RNF144B: variants seen among roughly 807,000 people sequenced by gnomAD.
RNF144B encodes ring finger protein 144B, also known as E3 ubiquitin-protein ligase RNF144B.
Under a neutral mutation model 40.2 loss-of-function variants are expected in RNF144B, and 25 were observed. The ratio of observed to expected loss-of-function variants is 0.62; its 90% CI spans 0.45 to 0.87. RNF144B has a LOEUF of 0.87. Among genes scored for constraint, RNF144B ranks in the 40% least tolerant of loss-of-function variants. The probability of loss-of-function intolerance (pLI) is 0.00; values close to 1 mark genes in which losing one functional copy is unlikely to be tolerated. For missense variants in RNF144B, 365 were observed against 373.7 expected, an observed-to-expected ratio of 0.98 and a Z score of 0.19; for synonymous variants, 145 against 136.3, an observed-to-expected ratio of 1.06 and a Z score of -0.44.
At chr6:18,413,134 G>A (rs1055212092) in intron 2 of RNF144B, among the ~76,000 whole-genome samples, 2 of 152,218 alleles carry the variant, frequency 1.3e-5, no homozygotes, top group East Asian at 1.9e-4. Flanking sequence ...TCATAGTGTC[G>A]TTTGGAAGAA....
At chr6:18,399,759 G>A in intron 2 of RNF144B, 60 bp downstream of exon 2, 1 of 1,398,372 alleles carries the variant, frequency 7.2e-7, no homozygotes, top group Non-Finnish European at 1.0e-6. Context: ...CATAAAAGTA[G>A]GATATATTTC....
intron 2 of RNF144B, among the ~76,000 whole-genome samples, chr6:18,413,613 C>G (rs1343978664): frequency 2.0e-5 from 3 of 152,144 alleles, no homozygotes; most frequent in Non-Finnish European, 2.9e-5. Flanking sequence ...AAACTGAAGT[C>G]AAGGTTCAAG....
chr6:18,390,907 T>C (rs1794566452), intron 1 of RNF144B, among the ~76,000 whole-genome samples: 1 of 152,212 alleles, frequency 6.6e-6, no homozygotes, highest in African/African-American at 2.4e-5. Context: ...TCATGATAAA[T>C]TCCTGTTATA....
intron 4 of RNF144B, among the ~76,000 whole-genome samples, chr6:18,449,506 G>A (rs896138909): frequency 4.0e-5 from 6 of 151,878 alleles, no homozygotes; most frequent in African/African-American, 1.5e-4. Context: ...CAAAAGTAAA[G>A]AATTAAAATC....
chr6:18,434,633 G>T lies in RNF144B; in HGVS notation c.271-5051G>T, dbSNP rs529012387. Among the ~76,000 whole-genome samples, 28 of 151,940 alleles carry T rather than the reference G, an allele frequency of 1.8e-4. No individual in the cohort carries two copies. The highest frequency in any genetic ancestry group is 3.8e-4 in the Non-Finnish European group (26 of 67,930). On this transcript the variant is annotated intron_variant, in intron 3 of 7. Transcript: ENST00000259939. This position sits in a 1 kb window ranked among gnomAD's most constrained non-coding sequence, Gnocchi z 4.1. ...CTGAGTGTTTTTGTTTTGTTTGTTTGTTTTTTTAGACAGAGTCTTGCTCTG... is the reference window on the plus strand; with the variant it reads ...CTGAGTGTTTTTGTTTTGTTTGTTTTTTTTTTTAGACAGAGTCTTGCTCTG...
rs543197376 is a variant in RNF144B, at chr6:18,439,580, G to T, written c.271-104G>T. ...AAAAAGAGGTTTGCAAACAATTGGT[G>T]TAGAGAAAGTATAATAAGCAAAGCC... On this transcript the variant is annotated intron_variant, in intron 3 of 7. Transcript: ENST00000259939. The T allele has an allele frequency of 1.2e-4, 90 of 782,480 alleles. No individual in the cohort carries two copies. In the African/African-American group the frequency reaches 1.4e-3, roughly 13 times the overall value. 48.5% of individuals were successfully genotyped at this position (782,480 alleles called of 1,614,324 possible).
rs1022389749 is a variant in RNF144B at position 18,399,684 on chromosome 6, C to A, written c.150C>A (p.Cys50Ter). The A allele has an allele frequency of 1.9e-6, 3 of 1,613,342 alleles. No individual in the cohort carries two copies. The highest frequency in any genetic ancestry group is 2.5e-6 in the Non-Finnish European group (3 of 1,179,496). ...TGACCACACTCCAGGAATGCCAGTG[C>A]ATCTTTTGCACAGCTGTGAGTTTTC... ...DKMTTLQECQ[C>*]IFCTACLKQY... The change falls in exon 2 of 8, where the codon TGC (cysteine) becomes TGA (stop). Residue 50 changes from cysteine to a stop codon, truncating the protein, a stop_gained. Coordinates refer to ENST00000259939, the MANE Select transcript of RNF144B (RefSeq NM_182757.4). LOFTEE classifies it high-confidence loss of function.
chr6:18,410,016 G>T lies in RNF144B; in HGVS notation c.165+10317G>T, dbSNP rs1795002575. On this transcript the variant is annotated intron_variant, in intron 2 of 7. Coordinates refer to ENST00000259939, the MANE Select transcript of RNF144B (RefSeq NM_182757.4). The surrounding 1 kb of genome is among the most constrained non-coding windows in gnomAD (Gnocchi z 4.6). ...AAAGATAGTTTGGTGATCTGTGCTT[G>T]TATGTTGTGTAGACTTTTCCCCCCT... Among the ~76,000 whole-genome samples, 1 of 152,212 alleles carries T rather than the reference G, an allele frequency of 6.6e-6. No individual in the cohort carries two copies. Among genetic ancestry groups the T allele is most frequent in the African/African-American group, 2.4e-5 (1 of 41,450 alleles).
At chr6:18,403,546 G>C (rs955700385) in intron 2 of RNF144B, among the ~76,000 whole-genome samples, 3 of 152,048 alleles carry the variant, frequency 2.0e-5, no homozygotes, top group Middle Eastern at 3.2e-3. Context: ...TCATTTCTTG[G>C]AGCCAAATGG....
rs931079579 is a variant in RNF144B at position 18,443,694 on chromosome 6, A to G, written c.331+3950A>G. Among the ~76,000 whole-genome samples, 2 of 152,368 alleles carry G rather than the reference A, an allele frequency of 1.3e-5. No individual in the cohort carries two copies. Among genetic ancestry groups the G allele is most frequent in the Non-Finnish European group, 2.9e-5 (2 of 68,038 alleles). ...TGAAGTGCTACATAATGGAATTTAC[A>G]TGATTGGGATACACTTTATCTAATT... is the stretch of plus-strand genomic sequence containing the variant. On this transcript the variant is annotated intron_variant, in intron 4 of 7. Transcript: ENST00000259939. The surrounding 1 kb of genome is among the most constrained non-coding windows in gnomAD (Gnocchi z 4.7).
chr6:18,463,147 G>T, intron 6 of RNF144B, 144 bp from the exon 7 acceptor site: 1 of 593,754 alleles, frequency 1.7e-6, no homozygotes, highest in Non-Finnish European at 3.0e-6. Flanking sequence ...CCAAGATAAA[G>T]ATTACAGGCT....
At chr6:18,433,150 C>T (rs1035754522) in intron 3 of RNF144B, among the ~76,000 whole-genome samples, 2 of 152,164 alleles carry the variant, frequency 1.3e-5, no homozygotes, top group Admixed American at 1.3e-4. Context: ...TAACATTCTT[C>T]CTTCCCATTA....
chr6:18,414,830 TA>T lies in RNF144B; in HGVS notation c.166-12746del, dbSNP rs984164192. Among the ~76,000 whole-genome samples, 2 of 152,154 alleles carry T rather than the reference TA, an allele frequency of 1.3e-5. No homozygotes were observed. The highest frequency in any genetic ancestry group is 2.9e-5 in the Non-Finnish European group (2 of 68,006). ...GAAGGTGAAAAAGAACAAAAACTTT[TA>T]AAAAGATGGAAAAAATTGTACAACA... On this transcript the variant is annotated intron_variant, in intron 2 of 7. Transcript: ENST00000259939. This position sits in a 1 kb window ranked among gnomAD's most constrained non-coding sequence, Gnocchi z 4.9.
At chr6:18,391,312 G>A (rs1357979706) in intron 1 of RNF144B, among the ~76,000 whole-genome samples, 1 of 152,156 alleles carries the variant, frequency 6.6e-6, no homozygotes, top group Non-Finnish European at 1.5e-5. Context: ...TATTTAGCAG[G>A]GCTGTGTGAA....
rs58124564 is a variant in RNF144B, at chr6:18,406,457, A to AGTGTGTGT, written c.165+6795_165+6802dup. On this transcript the variant is annotated intron_variant, in intron 2 of 7. Coordinates refer to ENST00000259939, the MANE Select transcript of RNF144B (RefSeq NM_182757.4). This position sits in a 1 kb window ranked among gnomAD's most constrained non-coding sequence, Gnocchi z 4.2. ...CAAAGGAGGCTGGTGTGGCTGGAAA[A>AGTGTGTGT]GTGTGTGTGTGTGTGTGTGTGTGTG... 0.031 allele frequency among the ~76,000 whole-genome samples: 4,051 copies of AGTGTGTGT among 130,852 alleles called. 82 individuals carry two copies. Among genetic ancestry groups the AGTGTGTGT allele is most frequent in the South Asian group, 0.067 (244 of 3,624 alleles). The allele number at this position is 130,852 out of a possible 152,430, so 85.8% of individuals were successfully genotyped here.
rs907490257 is a variant in RNF144B, at chr6:18,447,585, T to C, written c.331+7841T>C. 2.0e-5 allele frequency among the ~76,000 whole-genome samples: 3 copies of C among 152,102 alleles called. No individual in the cohort carries two copies. The highest frequency in any genetic ancestry group is 2.9e-5 in the Non-Finnish European group (2 of 68,014). ...AGCAGGGAGATTTATTAGGAGGCTG[T>C]GGTAGTGATCCAGTCCAAAACAGTA... On this transcript the variant is annotated intron_variant, in intron 4 of 7. Transcript: ENST00000259939. This position sits in a 1 kb window ranked among gnomAD's most constrained non-coding sequence, Gnocchi z 5.6.
Position 18,442,474 on chromosome 6 carries a change from A to T in RNF144B, c.331+2730A>T, listed in dbSNP as rs1758986118. Among the ~76,000 whole-genome samples, 1 of 152,248 alleles carries T rather than the reference A, an allele frequency of 6.6e-6. No individual in the cohort carries two copies. The highest frequency in any genetic ancestry group is 1.5e-5 in the Non-Finnish European group (1 of 68,038). On this transcript the variant is annotated intron_variant, in intron 4 of 7. Coordinates refer to ENST00000259939, the MANE Select transcript of RNF144B (RefSeq NM_182757.4). The surrounding 1 kb of genome is among the most constrained non-coding windows in gnomAD (Gnocchi z 4.3). ...AAACAGGACAGATTGAGACTTGCCT[A>T]GGACCACATAGACTGTGGCTAACCT...
At chr6:18,427,445 G>A (rs6903543) in intron 2 of RNF144B, 136 bp from the exon 3 acceptor site, 72,711 of 569,104 alleles carry the variant, frequency 0.13, 5,336 homozygotes, top group Admixed American at 0.2. Flanking sequence ...ATTCACACTT[G>A]TGATAACTTA....
intron 4 of RNF144B, among the ~76,000 whole-genome samples, chr6:18,445,109 A>C (rs1759051358): frequency 1.3e-5 from 2 of 151,952 alleles, no homozygotes; most frequent in African/African-American, 4.8e-5. Context: ...CCCATCTCTC[A>C]TTAGTCTACT....
Sources: allele counts gnomAD v4.1 joint callset (sites outside exome capture counted in the v4.1 genomes callset), GRCh38; gene constraint gnomAD v4.1.1; non-coding constraint Gnocchi (gnomAD v3.1); transcripts MANE v1.5; gene names NCBI Gene and HGNC (gene_info 2026-07-23, HGNC 2026-07-21).